The following TMEM178B variants were observed in gnomAD, a reference collection of about 807,000 sequenced individuals.
TMEM178B encodes transmembrane protein 178B.
In TMEM178B, 5 loss-of-function variants were observed where a neutral mutation model predicts 31.0. That is an observed-to-expected ratio of 0.16 (90% CI 0.08 to 0.34). The LOEUF (loss-of-function observed/expected upper bound fraction) is 0.34. Among genes scored for constraint, TMEM178B ranks in the 10% least tolerant of loss-of-function variants. The pLI is 1.00. For synonymous variants in TMEM178B, 164 were observed against 164.0 expected (o/e 1.00, Z 0.00); for missense variants, 275 against 400.3 (o/e 0.69, Z 2.67).
chr7:141,327,912 A>C (rs762144654), intron 2 of TMEM178B, among the ~76,000 whole-genome samples: 13 of 152,196 alleles, frequency 8.5e-5, no homozygotes, highest in African/African-American at 1.4e-4. Context: ...GTAAGTCAGT[A>C]ACACGTTGGA....
chr7:141,114,885 G>A (rs1275713745), intron 1 of TMEM178B, among the ~76,000 whole-genome samples: 1 of 152,188 alleles, frequency 6.6e-6, no homozygotes, highest in Non-Finnish European at 1.5e-5. Context: ...GGAACACTGG[G>A]GTTACTTTAG....
At chr7:141,448,228 G>A (rs1003196798) in intron 3 of TMEM178B, among the ~76,000 whole-genome samples, 7 of 152,082 alleles carry the variant, frequency 4.6e-5, no homozygotes, top group African/African-American at 1.7e-4. Flanking sequence ...TCTGTGATAA[G>A]AGAGAATGTA....
chr7:141,220,147 G>A (rs763415357), intron 2 of TMEM178B, among the ~76,000 whole-genome samples: 14 of 151,840 alleles, frequency 9.2e-5, no homozygotes, highest in Admixed American at 1.3e-4. Context: ...AGTGAAACTC[G>A]TCTTTACTAA....
chr7:141,403,201 G>A (rs186193766), intron 2 of TMEM178B, among the ~76,000 whole-genome samples: 6 of 152,302 alleles, frequency 3.9e-5, no homozygotes, highest in Non-Finnish European at 7.4e-5. Context: ...GCGGGGCAGT[G>A]GTTCATGCAG....
chr7:141,185,890 T>C (rs903841680), intron 1 of TMEM178B, among the ~76,000 whole-genome samples: 1 of 152,134 alleles, frequency 6.6e-6, no homozygotes, highest in African/African-American at 2.4e-5. Flanking sequence ...GAGCTGATAT[T>C]AAATGCCTCA....
chr7:141,135,760 A>C (rs1413815991), intron 1 of TMEM178B, among the ~76,000 whole-genome samples: 1 of 152,124 alleles, frequency 6.6e-6, no homozygotes, highest in Non-Finnish European at 1.5e-5. Context: ...TTATAGCAAT[A>C]AATGCCTATA....
the TMEM178B span, among the ~76,000 whole-genome samples, chr7:141,494,278 A>G: frequency 2.6e-5 from 4 of 152,226 alleles, no homozygotes; most frequent in African/African-American, 7.2e-5. Context: ...GGTGGACACA[A>G]TGACTTTATA....
At chr7:141,437,522 C>G in intron 2 of TMEM178B, 86 bp from the exon 3 acceptor site, 3 of 1,498,272 alleles carry the variant, frequency 2.0e-6, no homozygotes, top group South Asian at 2.6e-5. Context: ...GCCACTCCCT[C>G]TCTGCACCCA....
the TMEM178B span, among the ~76,000 whole-genome samples, chr7:141,489,578 A>C: frequency 1.4e-5 from 2 of 145,994 alleles, no homozygotes; most frequent in African/African-American, 2.6e-5. Context: ...TTCTCTCCCC[A>C]CTCCCTTCAT....
At chr7:141,128,822 C>T (rs991142174) in intron 1 of TMEM178B, among the ~76,000 whole-genome samples, 4 of 152,152 alleles carry the variant, frequency 2.6e-5, no homozygotes, top group Admixed American at 1.3e-4. Context: ...AAATTAGCCT[C>T]TTCTCCTCTG....
Position 141,363,121 on chromosome 7 carries a change from C to T in TMEM178B, c.497-74487C>T, listed in dbSNP as rs574867418. Among the ~76,000 whole-genome samples the T allele has an allele frequency of 1.3e-4, 20 of 152,180 alleles. No individual in the cohort carries two copies. In the South Asian group the frequency reaches 4.2e-3, roughly 32 times the overall value. On this transcript the variant is annotated intron_variant, in intron 2 of 3. Coordinates refer to ENST00000565468, the MANE Select transcript of TMEM178B (RefSeq NM_001195278.2). ...AAATCATCGGAAAAGTCCCAAGGGC[C>T]CTAACACCAAATAGCTCATTAATGC...
chr7:141,492,605 G>GT, the TMEM178B span, among the ~76,000 whole-genome samples: 1 of 152,190 alleles, frequency 6.6e-6, no homozygotes, highest in Non-Finnish European at 1.5e-5. Flanking sequence ...GCGAGTTTCC[G>GT]TAACAGGACC....
chr7:141,107,178 A>G (rs1239988166), intron 1 of TMEM178B, among the ~76,000 whole-genome samples: 1 of 152,248 alleles, frequency 6.6e-6, no homozygotes, highest in Admixed American at 6.5e-5. Flanking sequence ...AGAAACAGCC[A>G]GAAGGCTGGT....
intron 2 of TMEM178B, among the ~76,000 whole-genome samples, chr7:141,274,611 C>A (rs1413959109): frequency 6.6e-6 from 1 of 152,178 alleles, no homozygotes; most frequent in Admixed American, 6.5e-5. Flanking sequence ...TATGGCAACC[C>A]AATCTGCAGG....
At chr7:141,400,593 CT>C (rs1387569649) in intron 2 of TMEM178B, among the ~76,000 whole-genome samples, 2 of 152,206 alleles carry the variant, frequency 1.3e-5, no homozygotes, top group African/African-American at 4.8e-5. Flanking sequence ...CAGCTGGCAG[CT>C]TTACATCAGA....
At chr7:141,450,595 A>G (rs796153719) in intron 3 of TMEM178B, among the ~76,000 whole-genome samples, 21 of 152,104 alleles carry the variant, frequency 1.4e-4, no homozygotes, top group Non-Finnish European at 7.4e-5. Flanking sequence ...AAAAGGGGGG[A>G]AAGGGGGCCA....
At chr7:141,431,502 A>G (rs998514396) in intron 2 of TMEM178B, among the ~76,000 whole-genome samples, 14 of 152,072 alleles carry the variant, frequency 9.2e-5, no homozygotes, top group Admixed American at 3.9e-4. Context: ...CCTGAACTCA[A>G]TTCAACAAAG....
chr7:141,199,444 C>T (rs1329816361), intron 1 of TMEM178B, among the ~76,000 whole-genome samples: 2 of 152,214 alleles, frequency 1.3e-5, no homozygotes, highest in African/African-American at 2.4e-5. Flanking sequence ...TGGAAGCCAT[C>T]GGCATAATTT....
the TMEM178B span, among the ~76,000 whole-genome samples, chr7:141,492,888 AC>A: frequency 6.6e-6 from 1 of 152,108 alleles, no homozygotes; most frequent in Non-Finnish European, 1.5e-5. Flanking sequence ...CTTAGATCTC[AC>A]TGTTTTCCTC....
Sources: allele counts gnomAD v4.1 joint callset (sites outside exome capture counted in the v4.1 genomes callset), GRCh38; gene constraint gnomAD v4.1.1; transcripts MANE v1.5; gene names NCBI Gene and HGNC (gene_info 2026-07-23, HGNC 2026-07-21).